Variants in GCKR observed in about 807,000 individuals in gnomAD.
The protein encoded by GCKR is glucokinase regulatory protein.
Under a neutral mutation model 82.9 loss-of-function variants are expected in GCKR, and 73 were observed. That is an observed-to-expected ratio of 0.88 (90% CI 0.73 to 1.07). GCKR has a LOEUF of 1.07. Among genes scored for constraint, GCKR ranks in the 50% least tolerant of loss-of-function variants. GCKR has a pLI of 0.00. For missense variants in GCKR, 784 were observed against 782.1 expected, an observed-to-expected ratio of 1.00 and a Z score of -0.03; for synonymous variants, 294 against 291.8, an observed-to-expected ratio of 1.01 and a Z score of -0.08.
chr2:27,500,769 C>G (rs1669554947), intron 7 of GCKR, among the ~76,000 whole-genome samples: 1 of 152,206 alleles, frequency 6.6e-6, no homozygotes, highest in Admixed American at 6.5e-5. Flanking sequence ...AGTTTCCTCT[C>G]AATTCTGCAG....
At chr2:27,516,283 GTTTTTTT>G (rs35189790) in intron 16 of GCKR, among the ~76,000 whole-genome samples, 1 of 58,526 alleles carries the variant, frequency 1.7e-5, no homozygotes, top group South Asian at 6.5e-4. Flanking sequence ...CTTCATTCTT[GTTTTTTT>G]TTTTTTTTTT....
chr2:27,500,211 C>T (rs1030503859), intron 7 of GCKR, among the ~76,000 whole-genome samples: 1 of 152,214 alleles, frequency 6.6e-6, no homozygotes, highest in Admixed American at 6.5e-5. Context: ...CTGCCTCAGC[C>T]TCCCGAGTAA....
chr2:27,519,557 C>G (rs1251019893), intron 17 of GCKR, among the ~76,000 whole-genome samples: 1 of 152,144 alleles, frequency 6.6e-6, no homozygotes, highest in African/African-American at 2.4e-5. Context: ...CTGCCTCAGC[C>G]TCCTAAAGTG....
chr2:27,523,309 C>A lies in GCKR; in HGVS notation c.1748C>A (p.Ser583Ter). Residue 583 changes from serine to a stop codon, truncating the protein, a stop_gained, in exon 19 of 19, where the codon TCG becomes TAG. Transcript: ENST00000264717. LOFTEE classifies it high-confidence loss of function. The stretch of plus-strand genomic sequence containing the variant: ...TTGCTGAGCCTCCTATTCCGGTGCT[C>A]GATCACTGAGGCTCAGGCACACCTG... ...IALLSLLFRCSITEAQAHLAA... is the reference protein window; with the variant it reads ...IALLSLLFRC 1 of 1,613,064 alleles carries A rather than the reference C, an allele frequency of 6.2e-7. No individual in the cohort carries two copies. Among genetic ancestry groups the A allele is most frequent in the Non-Finnish European group, 8.5e-7 (1 of 1,179,916 alleles).
At chr2:27,505,410 AAAAAAAAAAG>A (rs1274261919) in intron 9 of GCKR, among the ~76,000 whole-genome samples, 19 of 151,248 alleles carry the variant, frequency 1.3e-4, no homozygotes, top group Admixed American at 5.3e-4. Flanking sequence ...TCTCAAAAAA[AAAAAAAAAAG>A]AAAAAAAAAG....
chr2:27,513,035 G>C (rs1300589700), intron 16 of GCKR, among the ~76,000 whole-genome samples: 1 of 152,114 alleles, frequency 6.6e-6, no homozygotes, highest in Non-Finnish European at 1.5e-5. Flanking sequence ...CTTTATTGGT[G>C]ATGCTACATT....
At chr2:27,519,039 G>T (rs893763445) in intron 17 of GCKR, 102 bp downstream of exon 17, 7 of 1,086,210 alleles carry the variant, frequency 6.4e-6, no homozygotes, top group Non-Finnish European at 9.8e-6. Context: ...AAGGGTACAG[G>T]CTGCCTTTTC....
At chr2:27,512,822 C>T (rs1558440412) in intron 16 of GCKR, among the ~76,000 whole-genome samples, 1 of 152,274 alleles carries the variant, frequency 6.6e-6, no homozygotes, top group East Asian at 1.9e-4. Flanking sequence ...ATGAGTTTCT[C>T]AGTTGTTCTT....
At chr2:27,503,040 C>T (rs1218351220) in intron 8 of GCKR, among the ~76,000 whole-genome samples, 4 of 152,228 alleles carry the variant, frequency 2.6e-5, no homozygotes, top group African/African-American at 9.6e-5. Flanking sequence ...GCTTGGTTCC[C>T]TCACTGTTAT....
chr2:27,505,361 A>G (rs2148583584), intron 9 of GCKR, among the ~76,000 whole-genome samples: 1 of 146,368 alleles, frequency 6.8e-6, no homozygotes, highest in Non-Finnish European at 1.5e-5. Flanking sequence ...CTGCCACTGC[A>G]CTCCAGCCTG....
At position 27,507,958 on chromosome 2, in the gene GCKR, T is replaced by C; in HGVS notation, c.1241-19T>C. ...TGCACAGCCAGCCTTTCGACTCTGA[T>C]GCCCTCCCCTTCTCCTAGACAACCT... On this transcript the variant is annotated intron_variant, in intron 14 of 18. Transcript: ENST00000264717. The C allele has an allele frequency of 1.3e-6, 2 of 1,561,736 alleles. No homozygotes were observed. The highest frequency in any genetic ancestry group is 2.7e-5 in the African/African-American group (2 of 73,986).
intron 17 of GCKR, among the ~76,000 whole-genome samples, chr2:27,519,174 C>T (rs535543218): frequency 5.8e-4 from 88 of 152,270 alleles, no homozygotes; most frequent in Middle Eastern, 3.4e-3. Flanking sequence ...TGATGGAAAA[C>T]GAGTTTATAC....
chr2:27,508,265 G>C lies in GCKR; in HGVS notation c.1422+14G>C. 3.3e-6 allele frequency: 5 copies of C among 1,514,632 alleles called. No homozygotes were observed. The South Asian group carries it at 4.5e-5, about 14-fold the overall frequency. 93.8% of individuals were successfully genotyped at this position (1,514,632 alleles called of 1,614,324 possible). On this transcript the variant is annotated intron_variant, in intron 16 of 18. Coordinates refer to ENST00000264717, the MANE Select transcript of GCKR (RefSeq NM_001486.4). ...AACTTCATCCAGGTATGGGGAATGA[G>C]AAGGTCCTATCTGCAGTAAGGGGCT...
chr2:27,518,370 T>C (rs780094), intron 16 of GCKR, among the ~76,000 whole-genome samples: 101,032 of 152,110 alleles, frequency 0.66, 34,550 homozygotes, highest in African/African-American at 0.83. Flanking sequence ...GATCAGCAAA[T>C]ATGTGTCAGT....
chr2:27,506,597 T>A lies in GCKR; in HGVS notation c.968+18T>A, dbSNP rs752135550. 7 of 1,551,060 alleles carry A rather than the reference T, an allele frequency of 4.5e-6. No individual in the cohort carries two copies. In the Admixed American group the frequency reaches 1.2e-4, roughly 26 times the overall value. ...AGCACCAGGTGTGTGGATATGTGTT[T>A]AGAGGTGAGGATGTGGCCCGGATGG... On this transcript the variant is annotated intron_variant, in intron 11 of 18. Coordinates refer to ENST00000264717, the MANE Select transcript of GCKR (RefSeq NM_001486.4).
At chr2:27,500,406 G>A (rs1260832114) in intron 7 of GCKR, among the ~76,000 whole-genome samples, 1 of 152,166 alleles carries the variant, frequency 6.6e-6, no homozygotes, top group African/African-American at 2.4e-5. Flanking sequence ...CCAAATTGCT[G>A]GGATTACAGG....
chr2:27,515,233 C>T (rs929120630), intron 16 of GCKR, among the ~76,000 whole-genome samples: 8 of 151,524 alleles, frequency 5.3e-5, no homozygotes, highest in African/African-American at 1.5e-4. Flanking sequence ...CCATGTCGGC[C>T]TCCCAAAGTG....
intron 1 of GCKR, 135 bp downstream of exon 1, chr2:27,497,099 A>C: frequency 8.2e-7 from 1 of 1,222,730 alleles, no homozygotes. Context: ...CCAGAGCACC[A>C]AGTGCAGGCT....
chr2:27,501,469 A>G (rs150985635), intron 8 of GCKR, among the ~76,000 whole-genome samples: 4 of 152,376 alleles, frequency 2.6e-5, no homozygotes, highest in African/African-American at 9.6e-5. Flanking sequence ...AAAATATAAG[A>G]TAGCATACAT....
Sources: gnomAD v4.1 joint callset for allele counts (sites outside exome capture counted in the v4.1 genomes callset) on GRCh38, gnomAD v4.1.1 for gene constraint, MANE v1.5 for transcripts, NCBI Gene and HGNC (gene_info 2026-07-23, HGNC 2026-07-21) for gene names.